Variants in GINM1 observed in about 807,000 individuals in gnomAD.
The protein encoded by GINM1 is glycosylated integral membrane protein 1, also known as glycoprotein integral membrane protein 1.
Under a neutral mutation model 37.8 loss-of-function variants are expected in GINM1, and 29 were observed. The ratio of observed to expected loss-of-function variants is 0.77; its 90% CI spans 0.57 to 1.05. The LOEUF (loss-of-function observed/expected upper bound fraction) is 1.05. Ranked by LOEUF, GINM1 falls within the 50% of genes least tolerant of loss-of-function variation. GINM1 has a pLI of 0.00. For missense variants in GINM1, 377 were observed against 397.9 expected, an observed-to-expected ratio of 0.95 and a Z score of 0.45; for synonymous variants, 143 against 146.2, an observed-to-expected ratio of 0.98 and a Z score of 0.16.
In GINM1 at chr6:149,580,730, C is replaced by T; in HGVS notation, c.717+7C>T. On this transcript the variant is annotated splice_region_variant and intron_variant, in intron 6 of 7. Transcript: ENST00000367419. ...GCCGCCATCTTCATATAAGGTAAAT[C>T]AAGTATTTGGTGTTATCATAAGCAT... The T allele has an allele frequency of 2.5e-6, 4 of 1,599,300 alleles. No homozygotes were observed. The highest frequency in any genetic ancestry group is 3.4e-6 in the Non-Finnish European group (4 of 1,170,630).
chr6:149,581,094 CT>C (rs1777993617), intron 6 of GINM1, among the ~76,000 whole-genome samples: 2 of 152,184 alleles, frequency 1.3e-5, no homozygotes, highest in South Asian at 2.1e-4. Context: ...TGAGAATATA[CT>C]TCCTAGAGTC....
intron 3 of GINM1, among the ~76,000 whole-genome samples, chr6:149,573,771 G>T (rs991497568): frequency 2.0e-5 from 3 of 151,660 alleles, no homozygotes; most frequent in African/African-American, 7.3e-5. Context: ...CTCCTGAGAG[G>T]TGGGAGGATC....
chr6:149,589,682 A>G (rs993834242), intron 7 of GINM1, among the ~76,000 whole-genome samples: 1 of 152,178 alleles, frequency 6.6e-6, no homozygotes, highest in African/African-American at 2.4e-5. Flanking sequence ...TTGACTTAGA[A>G]TGTTACCTTA....
intron 7 of GINM1, among the ~76,000 whole-genome samples, chr6:149,589,786 T>TG (rs548931814): frequency 6.7e-4 from 102 of 152,226 alleles, no homozygotes; most frequent in African/African-American, 2.5e-3. Flanking sequence ...TAGCACAGTT[T>TG]TAATTACTCT....
At chr6:149,576,901 T>C (rs1050699908) in intron 3 of GINM1, among the ~76,000 whole-genome samples, 1 of 152,232 alleles carries the variant, frequency 6.6e-6, no homozygotes, top group Admixed American at 6.5e-5. Context: ...GGCTCATGGT[T>C]CTGCAGGCTG....
chr6:149,587,416 G>A (rs981239154), intron 7 of GINM1, among the ~76,000 whole-genome samples: 25 of 152,186 alleles, frequency 1.6e-4, no homozygotes, highest in African/African-American at 5.3e-4. Context: ...GTAAGCCCCA[G>A]GTTGTGATGT....
intron 7 of GINM1, among the ~76,000 whole-genome samples, chr6:149,586,231 A>C (rs1582738693): frequency 6.6e-6 from 1 of 152,244 alleles, no homozygotes; most frequent in East Asian, 1.9e-4. Flanking sequence ...TCCACTCAGC[A>C]GCTTCGCAAG....
intron 7 of GINM1, among the ~76,000 whole-genome samples, chr6:149,586,008 TTC>T (rs1778066026): frequency 8.5e-5 from 13 of 152,342 alleles, no homozygotes; most frequent in African/African-American, 2.9e-4. Context: ...TCATTTCTTG[TTC>T]AGTGTTAGTT....
intron 1 of GINM1, among the ~76,000 whole-genome samples, chr6:149,569,357 C>T (rs1446652412): frequency 8.5e-5 from 8 of 94,236 alleles, no homozygotes; most frequent in African/African-American, 2.5e-4. Context: ...TTTTTTTTGA[C>T]GTGAAGTCTC....
rs1287168040 is a variant in GINM1 at position 149,566,925 on chromosome 6, T to C, written c.120+391T>C. ...TTGTGTGCTCGGGAAGTGTGGAAGT[T>C]GCCCACTTCGCGCATTTCCAGGCCA... On this transcript the variant is annotated intron_variant, in intron 1 of 7. Transcript: ENST00000367419. The surrounding 1 kb of genome is among the most constrained non-coding windows in gnomAD (Gnocchi z 4.4). Among the ~76,000 whole-genome samples, 1 of 152,182 alleles carries C rather than the reference T, an allele frequency of 6.6e-6. No individual in the cohort carries two copies. The highest frequency in any genetic ancestry group is 2.4e-5 in the African/African-American group (1 of 41,448).
At chr6:149,578,760 C>T (rs1777954189) in intron 3 of GINM1, 62 bp from the exon 4 acceptor site, 8 of 1,118,308 alleles carry the variant, frequency 7.2e-6, no homozygotes, top group African/African-American at 6.2e-5. Flanking sequence ...AAAATAATCA[C>T]ACTCACTCAC....
chr6:149,579,082 C>A, intron 4 of GINM1, 109 bp downstream of exon 4: 2 of 551,394 alleles, frequency 3.6e-6, no homozygotes, highest in Non-Finnish European at 6.1e-6. Context: ...AAGGAAGGTG[C>A]CTAATGTTGC....
At position 149,572,557 on chromosome 6, in the gene GINM1, A is replaced by G; in HGVS notation, c.231A>G (p.Leu77=). ...GTGGACAGGTGTATGTAAATGACTT[A>G]CCTGTAAATAGTGGTGTAACCCGAA... ...YESGQVYVND[L]PVNSGVTRIS... Residue 77 remains leucine, a synonymous_variant, in exon 3 of 8, where the codon TTA becomes TTG. Coordinates refer to ENST00000367419, the MANE Select transcript of GINM1 (RefSeq NM_138785.5). 1.2e-6 allele frequency: 2 copies of G among 1,607,862 alleles called. No homozygotes were observed. The highest frequency in any genetic ancestry group is 1.7e-6 in the Non-Finnish European group (2 of 1,175,258).
chr6:149,582,690 A>C (rs1417905653), intron 7 of GINM1, 87 bp downstream of exon 7: 1 of 975,862 alleles, frequency 1.0e-6, no homozygotes, highest in Non-Finnish European at 1.5e-6. Flanking sequence ...AGAAAATATA[A>C]AAATTAGAAA....
chr6:149,585,078 T>A (rs2115062395), intron 7 of GINM1, among the ~76,000 whole-genome samples: 1 of 152,314 alleles, frequency 6.6e-6, no homozygotes, highest in East Asian at 1.9e-4. Context: ...AACAGATTTC[T>A]TTCCCCTTTG....
intron 3 of GINM1, among the ~76,000 whole-genome samples, chr6:149,576,899 G>T (rs1777922884): frequency 6.6e-6 from 1 of 152,336 alleles, no homozygotes; most frequent in South Asian, 2.1e-4. Context: ...TTGGCTCATG[G>T]TTCTGCAGGC....
intron 7 of GINM1, among the ~76,000 whole-genome samples, chr6:149,588,624 T>C (rs1211931048): frequency 6.6e-6 from 1 of 151,580 alleles, no homozygotes; most frequent in Non-Finnish European, 1.5e-5. Flanking sequence ...GCTTTTTTTG[T>C]TTGTTTTTTG....
chr6:149,579,623 C>T (rs1425674849), intron 4 of GINM1, among the ~76,000 whole-genome samples: 6 of 150,778 alleles, frequency 4.0e-5, no homozygotes, highest in Non-Finnish European at 7.4e-5. Flanking sequence ...ACCCAGAAGG[C>T]GGAGGTTGCG....
chr6:149,579,336 G>A (rs1777962513), intron 4 of GINM1, among the ~76,000 whole-genome samples: 1 of 152,156 alleles, frequency 6.6e-6, no homozygotes, highest in African/African-American at 2.4e-5. Flanking sequence ...TGTTAAAGCA[G>A]GACAGGAATA....
Sources: gnomAD v4.1 joint callset for allele counts (sites outside exome capture counted in the v4.1 genomes callset) on GRCh38, gnomAD v4.1.1 for gene constraint, Gnocchi (gnomAD v3.1) non-coding constraint, MANE v1.5 for transcripts, NCBI Gene and HGNC (gene_info 2026-07-23, HGNC 2026-07-21) for gene names.